Variants in PTPN21 observed in about 807,000 individuals in gnomAD.
PTPN21 encodes tyrosine-protein phosphatase non-receptor type 21.
In PTPN21, 77 loss-of-function variants were observed where a neutral mutation model predicts 131.8. That is an observed-to-expected ratio of 0.58 (90% CI 0.49 to 0.71). The LOEUF is 0.71. Ranked by LOEUF, PTPN21 falls within the 30% of genes least tolerant of loss-of-function variation. The probability of loss-of-function intolerance (pLI) is 0.00; values close to 1 mark genes in which losing one functional copy is unlikely to be tolerated. For missense variants in PTPN21, 1,552 were observed against 1,527.1 expected (o/e 1.02, Z -0.27); for synonymous variants, 715 against 621.3 (o/e 1.15, Z -2.24).
At chr14:88,505,158 C>T in intron 5 of PTPN21, 146 bp downstream of exon 5, 1 of 641,706 alleles carries the variant, frequency 1.6e-6, no homozygotes. Flanking sequence ...AAAGCAGTCA[C>T]ACTTGAGATG....
intron 10 of PTPN21, among the ~76,000 whole-genome samples, chr14:88,495,429 G>A (rs2077896185): frequency 6.6e-6 from 1 of 152,228 alleles, no homozygotes; most frequent in South Asian, 2.1e-4. Flanking sequence ...GGGAGGCCAA[G>A]GCAGGCAGAT....
intron 14 of PTPN21, among the ~76,000 whole-genome samples, 176 bp downstream of exon 14, chr14:88,473,489 A>G (rs1238806097): frequency 6.6e-6 from 1 of 152,232 alleles, no homozygotes; most frequent in East Asian, 1.9e-4. Context: ...GAAATTATCT[A>G]TTAAGACATT....
At position 88,468,269 on chromosome 14, in the gene PTPN21, G is replaced by C; in HGVS notation, c.3397-4C>G. The C allele has an allele frequency of 6.3e-7, 1 of 1,592,094 alleles. No homozygotes were observed. The highest frequency in any genetic ancestry group is 8.5e-7 in the Non-Finnish European group (1 of 1,170,690). The stretch of plus-strand genomic sequence containing the variant: ...GCACTCTCGGGATGTCCAGCACCTA[G>C]GTTGAGAGAAACGGTAATGAAGATA... On this transcript the variant is annotated splice_polypyrimidine_tract_variant and splice_region_variant and intron_variant, in intron 18 of 18. Transcript: ENST00000556564.
rs373692406 is a variant in PTPN21 at position 88,491,541 on chromosome 14, A to G, written c.932+4872T>C. 5.3e-4 allele frequency among the ~76,000 whole-genome samples: 81 copies of G among 152,364 alleles called. 2 individuals are homozygous for G. In the South Asian group the frequency reaches 0.016, roughly 30 times the overall value. ...AGTCTACCAATACTTCAGAATCATA[A>G]TATTGGAACATGACTAAACAGTCTA... On this transcript the variant is annotated intron_variant, in intron 10 of 18. Coordinates refer to ENST00000556564, the MANE Select transcript of PTPN21 (RefSeq NM_007039.4).
chr14:88,477,474 A>C (rs1399780310), intron 13 of PTPN21, among the ~76,000 whole-genome samples: 5 of 150,728 alleles, frequency 3.3e-5, no homozygotes, highest in Non-Finnish European at 5.9e-5. Context: ...AAAAAAAGCA[A>C]ATTTAAATCT....
chr14:88,538,255 T>C (rs1252103749), intron 2 of PTPN21, among the ~76,000 whole-genome samples: 2 of 152,226 alleles, frequency 1.3e-5, no homozygotes, highest in Non-Finnish European at 2.9e-5. Context: ...ACGGACTCAC[T>C]GCCTCTACCT....
At position 88,544,888 on chromosome 14, in the gene PTPN21, C is replaced by T. The variant is rs186003951; in HGVS notation, c.180+5350G>A. ...TGTCGCCCAGGCTGGAGTACAGTGG[C>T]GCAGTCTCGGCTCATTGCAACCTCT... On this transcript the variant is annotated intron_variant, in intron 2 of 18. Transcript: ENST00000556564. 3.4e-3 allele frequency among the ~76,000 whole-genome samples: 515 copies of T among 152,064 alleles called. 1 individual carries two copies. The highest frequency in any genetic ancestry group is 0.012 in the Admixed American group (176 of 15,262).
chr14:88,491,071 A>G (rs2077816324), intron 10 of PTPN21, among the ~76,000 whole-genome samples: 1 of 152,318 alleles, frequency 6.6e-6, no homozygotes, highest in African/African-American at 2.4e-5. Flanking sequence ...TTAATTCCCA[A>G]TTCAACCATA....
chr14:88,519,374 C>T (rs543183849), intron 2 of PTPN21, among the ~76,000 whole-genome samples: 16 of 152,252 alleles, frequency 1.1e-4, no homozygotes, highest in African/African-American at 3.1e-4. Flanking sequence ...AGCCACTAGC[C>T]ACATGTGGCT....
intron 3 of PTPN21, among the ~76,000 whole-genome samples, chr14:88,511,026 C>G (rs2078171077): frequency 6.6e-6 from 1 of 151,772 alleles, no homozygotes; most frequent in African/African-American, 2.4e-5. Flanking sequence ...GATCCTTGAG[C>G]CTCAGCCTCC....
chr14:88,529,347 A>C (rs2078522474), intron 2 of PTPN21, among the ~76,000 whole-genome samples: 1 of 152,034 alleles, frequency 6.6e-6, no homozygotes, highest in African/African-American at 2.4e-5. Flanking sequence ...TATCTTTTTG[A>C]TATGGTGTTA....
Position 88,466,683 on chromosome 14 carries a change from C to G in PTPN21, c.*1454G>C, listed in dbSNP as rs1000735972. ...CGGGGCCAGAGATGACACTCTCCCC[C>G]TGTAACTCAGCCTGGCTCTGTCTAT... On this transcript the variant is annotated 3_prime_UTR_variant, in exon 19 of 19. Transcript: ENST00000556564. 1 of 152,194 alleles carries G rather than the reference C, an allele frequency of 6.6e-6. No individual in the cohort carries two copies. The highest frequency in any genetic ancestry group is 1.5e-5 in the Non-Finnish European group (1 of 68,048). 9.4% of individuals were successfully genotyped at this position (152,194 alleles called of 1,614,324 possible).
rs1416010006 is a variant in PTPN21, at chr14:88,479,094, C to G, written c.2337G>C (p.Thr779=). Reference sequence around the variant, plus strand: ...TCCAGGGCCGCTGGGCCTCTGCGGTCGTGCGGACGGGGCTGCTGTCCATCA... The same window carrying G: ...TCCAGGGCCGCTGGGCCTCTGCGGTGGTGCGGACGGGGCTGCTGTCCATCA... ...KRMMDSSPVR[T]TAEAQRPWRD... The change falls in exon 13 of 19, where the codon ACG becomes ACC. Residue 779 remains threonine, a synonymous_variant. Transcript: ENST00000556564. 1.3e-6 allele frequency: 2 copies of G among 1,582,196 alleles called. No homozygotes were observed. The highest frequency in any genetic ancestry group is 8.6e-7 in the Non-Finnish European group (1 of 1,165,600).
chr14:88,469,771 G>A lies in PTPN21; in HGVS notation c.3001-38C>T, dbSNP rs750072264. 1.9e-5 allele frequency: 30 copies of A among 1,606,508 alleles called. No individual in the cohort carries two copies. The highest frequency in any genetic ancestry group is 2.2e-5 in the East Asian group (1 of 44,826). On this transcript the variant is annotated intron_variant, in intron 16 of 18. Coordinates refer to ENST00000556564, the MANE Select transcript of PTPN21 (RefSeq NM_007039.4). This position sits in a 1 kb window ranked among gnomAD's most constrained non-coding sequence, Gnocchi z 4.3. ...AGCATGGTTAAATGACTCGAGATCC[G>A]GCAATGGATGCCTTTCTCACATAGA...
rs758655413 is a variant in PTPN21 at position 88,469,006 on chromosome 14, A to T, written c.3306T>A (p.Pro1102=). 6.2e-7 allele frequency: 1 copy of T among 1,614,124 alleles called. No homozygotes were observed. Among genetic ancestry groups the T allele is most frequent in the East Asian group, 2.2e-5 (1 of 44,890 alleles). The part of the protein sequence containing the change: ...NSTSDPQSPN[P]PLLVHCSAGV... ...CAGCACTGCAGTGGACCAACAACGG[A>T]GGGTTGGGGCTTTGGGGATCACTTG... The change falls in exon 18 of 19, where the codon CCT becomes CCA. Residue 1102 remains proline, a synonymous_variant. Coordinates refer to ENST00000556564, the MANE Select transcript of PTPN21 (RefSeq NM_007039.4). This position sits in a 1 kb window ranked among gnomAD's most constrained non-coding sequence, Gnocchi z 4.3.
intron 2 of PTPN21, among the ~76,000 whole-genome samples, chr14:88,518,391 T>TATATATATATATATAC (rs2078327713): frequency 9.6e-5 from 1 of 10,402 alleles, no homozygotes; most frequent in South Asian, 2.6e-3. Context: ...TGTGTGTATA[T>TATATATATATATATAC]ATATATATAT....
intron 6 of PTPN21, among the ~76,000 whole-genome samples, chr14:88,502,733 T>TCTG (rs1305316969): frequency 2.6e-5 from 4 of 152,124 alleles, no homozygotes; most frequent in African/African-American, 9.7e-5. Flanking sequence ...TTCATGTGGT[T>TCTG]CTGCTGTCCA....
At chr14:88,512,806 C>A (rs757288447) in intron 3 of PTPN21, among the ~76,000 whole-genome samples, 6 of 152,174 alleles carry the variant, frequency 3.9e-5, no homozygotes, top group Non-Finnish European at 8.8e-5. Context: ...AGACTGGAAG[C>A]TTGCTTTGAT....
At chr14:88,522,854 AT>A (rs1443472849) in intron 2 of PTPN21, among the ~76,000 whole-genome samples, 6 of 152,152 alleles carry the variant, frequency 3.9e-5, no homozygotes, top group Non-Finnish European at 7.4e-5. Context: ...TATGACTACA[AT>A]ATCATCTGTT....
Sources: gnomAD v4.1 joint callset for allele counts (sites outside exome capture counted in the v4.1 genomes callset) on GRCh38, gnomAD v4.1.1 for gene constraint, Gnocchi (gnomAD v3.1) non-coding constraint, MANE v1.5 for transcripts, NCBI Gene and HGNC (gene_info 2026-07-23, HGNC 2026-07-21) for gene names.